The following DAB1 variants were observed in gnomAD, a reference collection of about 807,000 sequenced individuals.
DAB1 encodes DAB adaptor protein 1, also known as disabled homolog 1.
DAB1 carries 15 observed loss-of-function variants against 64.6 expected under a neutral mutation model. The observed-to-expected ratio is 0.23, with a 90% CI of 0.16 to 0.36. The LOEUF (loss-of-function observed/expected upper bound fraction) is 0.36. Ranked by LOEUF, DAB1 falls within the 10% of genes least tolerant of loss-of-function variation. DAB1 has a pLI of 1.00. For missense variants in DAB1, 596 were observed against 706.7 expected (o/e 0.84, Z 1.78); for synonymous variants, 235 against 251.9 (o/e 0.93, Z 0.64).
chr1:58,315,829 G>A (rs1393793474), intron 4 of DAB1, among the ~76,000 whole-genome samples: 2 of 152,176 alleles, frequency 1.3e-5, no homozygotes, highest in Middle Eastern at 3.2e-3. Context: ...TATGCTACTT[G>A]TACTCAAGAT....
Position 58,217,483 on chromosome 1 carries a change from C to G in DAB1, n.310-66895G>C, listed in dbSNP as rs138813769. Among the ~76,000 whole-genome samples the G allele has an allele frequency of 5.6e-4, 86 of 152,292 alleles. 1 individual carries two copies. The East Asian group carries it at 8.1e-3, about 14-fold the overall frequency. On this transcript the variant is annotated intron_variant and non_coding_transcript_variant, in intron 4 of 20. Coordinates refer to the DAB1 transcript ENST00000485760. The stretch of plus-strand genomic sequence containing the variant: ...AGGAGGACATCATTCATTCCTTTAC[C>G]CACTTATTCATTTTCCTACACTCAA...
chr1:57,274,683 C>T (rs1234323248), intron 2 of DAB1, among the ~76,000 whole-genome samples: 4 of 152,110 alleles, frequency 2.6e-5, no homozygotes, highest in Admixed American at 1.3e-4. Context: ...TGGGCTCAAG[C>T]GATTCTCCTG....
intron 9 of DAB1, among the ~76,000 whole-genome samples, chr1:57,041,853 C>T (rs1218670917): frequency 6.6e-6 from 1 of 152,094 alleles, no homozygotes; most frequent in Non-Finnish European, 1.5e-5. Context: ...AATCTCTAAC[C>T]CAACTCATCC....
At chr1:57,803,796 A>G (rs1651239680) in intron 6 of DAB1, among the ~76,000 whole-genome samples, 1 of 152,176 alleles carries the variant, frequency 6.6e-6, no homozygotes, top group Admixed American at 6.5e-5. Flanking sequence ...AAGCTACTCT[A>G]ACTATGTGTC....
At chr1:58,535,529 G>C (rs1244546012) in intron 1 of DAB1, among the ~76,000 whole-genome samples, 2 of 151,312 alleles carry the variant, frequency 1.3e-5, no homozygotes, top group African/African-American at 4.9e-5. Flanking sequence ...CTGTAAGGTG[G>C]AGGTTGCAGT....
At chr1:57,650,205 C>T (rs974335844) in intron 6 of DAB1, among the ~76,000 whole-genome samples, 11 of 152,106 alleles carry the variant, frequency 7.2e-5, no homozygotes, top group Non-Finnish European at 1.3e-4. Flanking sequence ...AGTGCAGTGG[C>T]GGAATCATGG....
intron 7 of DAB1, among the ~76,000 whole-genome samples, chr1:57,611,937 C>G (rs1645731691): frequency 6.6e-6 from 1 of 152,170 alleles, no homozygotes; most frequent in Non-Finnish European, 1.5e-5. Context: ...CACCCCCCTG[C>G]CAACTGTTAT....
chr1:58,013,893 C>CTTT (rs11340354), intron 5 of DAB1, among the ~76,000 whole-genome samples: 1 of 137,050 alleles, frequency 7.3e-6, no homozygotes, highest in African/African-American at 2.7e-5. Flanking sequence ...TTCTTTTTTT[C>CTTT]TTTTTTTTTT....
chr1:57,771,288 G>A (rs981508480), intron 6 of DAB1, among the ~76,000 whole-genome samples: 2 of 152,016 alleles, frequency 1.3e-5, no homozygotes, highest in Non-Finnish European at 2.9e-5. Flanking sequence ...AAGCTACAAG[G>A]CCAGCAAAAT....
chr1:57,055,368 A>G (rs1260172482), intron 9 of DAB1, among the ~76,000 whole-genome samples: 1 of 152,218 alleles, frequency 6.6e-6, no homozygotes, highest in Non-Finnish European at 1.5e-5. Flanking sequence ...ATACACAACG[A>G]AAAGCATCCA....
chr1:58,387,721 TC>T (rs869064044), intron 3 of DAB1, among the ~76,000 whole-genome samples: 15,709 of 77,106 alleles, frequency 0.2, 1,121 homozygotes, highest in East Asian at 0.36. Flanking sequence ...TCTTTTCTTT[TC>T]TTTTTTTTTT....
intron 6 of DAB1, among the ~76,000 whole-genome samples, chr1:57,709,838 G>T (rs550004001): frequency 6.6e-6 from 1 of 152,072 alleles, no homozygotes; most frequent in Non-Finnish European, 1.5e-5. Flanking sequence ...TTATTGTACA[G>T]GTGGTGACAA....
intron 4 of DAB1, among the ~76,000 whole-genome samples, chr1:57,089,206 C>G (rs1214187373): frequency 3.3e-5 from 5 of 152,184 alleles, no homozygotes; most frequent in Non-Finnish European, 7.3e-5. Context: ...TTATTTCAAA[C>G]TATTCAAAGT....
At chr1:57,209,064 A>G (rs1665811492) in intron 2 of DAB1, among the ~76,000 whole-genome samples, 1 of 152,214 alleles carries the variant, frequency 6.6e-6, no homozygotes, top group African/African-American at 2.4e-5. Flanking sequence ...AGATTCACCT[A>G]TGTCCATCAC....
intron 1 of DAB1, among the ~76,000 whole-genome samples, chr1:57,861,287 C>A (rs1312515339): frequency 6.6e-6 from 1 of 152,178 alleles, no homozygotes; most frequent in Non-Finnish European, 1.5e-5. Flanking sequence ...GGCTTACATA[C>A]AAGAGAAATA....
At chr1:57,431,096 T>C (rs868489230) in intron 7 of DAB1, among the ~76,000 whole-genome samples, 1 of 117,828 alleles carries the variant, frequency 8.5e-6, no homozygotes, top group African/African-American at 3.6e-5. Flanking sequence ...TCCTGAAAGA[T>C]AATTGGATAA....
chr1:58,351,550 G>T (rs778805122), intron 3 of DAB1, among the ~76,000 whole-genome samples: 1 of 151,956 alleles, frequency 6.6e-6, no homozygotes, highest in Non-Finnish European at 1.5e-5. Flanking sequence ...CCTTGGCTCG[G>T]TAGATGGCTA....
chr1:57,397,125 T>C (rs564047833), intron 1 of DAB1, among the ~76,000 whole-genome samples: 3 of 152,332 alleles, frequency 2.0e-5, no homozygotes, highest in African/African-American at 7.2e-5. Flanking sequence ...CAGTACCCTT[T>C]TCCCTTAATT....
intron 7 of DAB1, among the ~76,000 whole-genome samples, chr1:57,586,911 A>G (rs972446828): frequency 1.3e-5 from 2 of 152,112 alleles, no homozygotes; most frequent in Non-Finnish European, 2.9e-5. Flanking sequence ...CAACTTTGCT[A>G]TCAATTACAA....
Sources: gnomAD v4.1 joint callset for allele counts (sites outside exome capture counted in the v4.1 genomes callset) on GRCh38, gnomAD v4.1.1 for gene constraint, MANE v1.5 for transcripts, NCBI Gene and HGNC (gene_info 2026-07-23, HGNC 2026-07-21) for gene names.